Variants in DENND2A observed in about 807,000 individuals in gnomAD.
DENND2A encodes the protein DENN domain containing 2A.
Under a neutral mutation model 105.3 loss-of-function variants are expected in DENND2A, and 53 were observed. That is an observed-to-expected ratio of 0.50 (90% CI 0.40 to 0.63). DENND2A has a LOEUF of 0.63. Ranked by LOEUF, DENND2A falls within the 30% of genes least tolerant of loss-of-function variation. DENND2A has a pLI of 0.00. For synonymous variants in DENND2A, 522 were observed against 508.4 expected (o/e 1.03, Z -0.36); for missense variants, 1,138 against 1,279.6 (o/e 0.89, Z 1.69).
intron 3 of DENND2A, among the ~76,000 whole-genome samples, chr7:140,590,117 C>A (rs780490868): frequency 6.6e-6 from 1 of 152,128 alleles, no homozygotes; most frequent in Non-Finnish European, 1.5e-5. Context: ...AGGCCGGGCG[C>A]GGTGGCTCAT....
At chr7:140,583,273 C>T (rs191279218) in intron 5 of DENND2A, among the ~76,000 whole-genome samples, 441 of 151,478 alleles carry the variant, frequency 2.9e-3, no homozygotes, top group Non-Finnish European at 5.1e-3. Flanking sequence ...CGGGCCACTT[C>T]ACTCCAGCCT....
At position 140,601,465 on chromosome 7, in the gene DENND2A, G is replaced by A. The variant is rs1237689876; in HGVS notation, c.933C>T (p.Pro311=). 1 of 1,613,922 alleles carries A rather than the reference G, an allele frequency of 6.2e-7. No homozygotes were observed. The highest frequency in any genetic ancestry group is 1.1e-5 in the South Asian group (1 of 91,012). Residue 311 remains proline (P), a synonymous_variant, in exon 3 of 20, where the codon CCC becomes CCT. Transcript: ENST00000496613. ...GTCTTCTGTTCACAGAGGAAGGTGG[G>A]GGAGAGGAGGGCAGAGGCGGGGGAG... ...SLPPPPLPSS[P]PPSSVNRRLW...
chr7:140,545,299 A>G (rs1001300416), intron 13 of DENND2A, among the ~76,000 whole-genome samples: 1 of 152,112 alleles, frequency 6.6e-6, no homozygotes, highest in Non-Finnish European at 1.5e-5. Flanking sequence ...TAACCCTGAC[A>G]CCATCCCACT....
At position 140,542,579 on chromosome 7, in the gene DENND2A, T is replaced by C. The variant is rs1189034190; in HGVS notation, c.2327+2039A>G. Among the ~76,000 whole-genome samples the C allele has an allele frequency of 2.4e-3, 363 of 149,654 alleles. 3 individuals are homozygous for C. Among genetic ancestry groups the C allele is most frequent in the African/African-American group, 8.6e-3 (349 of 40,774 alleles). On this transcript the variant is annotated intron_variant, in intron 14 of 19. Coordinates refer to ENST00000496613, the MANE Select transcript of DENND2A (RefSeq NM_015689.5). ...TTTTTCTCTCTCTTTTTTTTTTTTT[T>C]TTTTTTTTGAGTTTCACTCTTGTTG...
chr7:140,558,374 C>G (rs1411058226), intron 10 of DENND2A, among the ~76,000 whole-genome samples, 162 bp from the exon 11 acceptor site: 2 of 152,212 alleles, frequency 1.3e-5, no homozygotes, highest in Non-Finnish European at 2.9e-5. Flanking sequence ...TGCTGAGACA[C>G]TGGTCACCCA....
intron 2 of DENND2A, among the ~76,000 whole-genome samples, chr7:140,603,062 A>G (rs1340302727): frequency 6.6e-6 from 1 of 152,094 alleles, no homozygotes; most frequent in East Asian, 1.9e-4. Context: ...AGGCGGGTGG[A>G]TCACGAGGTC....
intron 3 of DENND2A, among the ~76,000 whole-genome samples, chr7:140,592,650 A>G (rs1472802870): frequency 6.6e-6 from 1 of 150,726 alleles, no homozygotes; most frequent in Non-Finnish European, 1.5e-5. Context: ...CCCAGGCCGG[A>G]AGGCAGTGGG....
intron 13 of DENND2A, 73 bp downstream of exon 13, chr7:140,546,726 C>A: frequency 1.9e-6 from 3 of 1,570,854 alleles, no homozygotes; most frequent in East Asian, 2.3e-5. Flanking sequence ...GAAAGGCAGC[C>A]CCTCTGAGCA....
At chr7:140,567,360 A>C in intron 8 of DENND2A, 87 bp from the exon 9 acceptor site, 1 of 1,190,404 alleles carries the variant, frequency 8.4e-7, no homozygotes, top group Admixed American at 2.6e-5. Context: ...GTGAGCAAAG[A>C]GCCTGAAATG....
chr7:140,601,281 G>T, intron 3 of DENND2A, 122 bp downstream of exon 3: 2 of 1,319,832 alleles, frequency 1.5e-6, no homozygotes, highest in South Asian at 1.6e-5. Context: ...GAACCATCTG[G>T]ACTACAAGAT....
intron 14 of DENND2A, 124 bp downstream of exon 14, chr7:140,544,494 C>G: frequency 7.6e-7 from 1 of 1,312,450 alleles, no homozygotes; most frequent in Admixed American, 1.9e-5. Context: ...CGCGCCCAGC[C>G]TATTCCATCC....
At position 140,529,252 on chromosome 7, in the gene DENND2A, A is replaced by G. The variant is rs374836260; in HGVS notation, c.2328-1757T>C. Among the ~76,000 whole-genome samples, 63 of 152,362 alleles carry G rather than the reference A, an allele frequency of 4.1e-4. 1 individual carries two copies. The South Asian group carries it at 6.4e-3, about 16-fold the overall frequency. On this transcript the variant is annotated intron_variant, in intron 14 of 19. Transcript: ENST00000496613. Reference sequence around the variant, plus strand: ...GGTGAGTGGATCACCTGAGGTCAGCAGTTCGAGACCAGTCTGGCCAACATG... The same window carrying G: ...GGTGAGTGGATCACCTGAGGTCAGCGGTTCGAGACCAGTCTGGCCAACATG...
In DENND2A at chr7:140,523,862, T is replaced by C. The variant is rs1795949676; in HGVS notation, c.2548-438A>G. On this transcript the variant is annotated intron_variant, in intron 16 of 19. Coordinates refer to ENST00000496613, the MANE Select transcript of DENND2A (RefSeq NM_015689.5). The surrounding 1 kb of genome is among the most constrained non-coding windows in gnomAD (Gnocchi z 4.5). ...TGCTGGGATTACAGGCGTGAGCCAC[T>C]GCACCTGGCCGAGCCTACTTTTTAC... Among the ~76,000 whole-genome samples, 1 of 151,870 alleles carries C rather than the reference T, an allele frequency of 6.6e-6. No individual in the cohort carries two copies. The highest frequency in any genetic ancestry group is 1.5e-5 in the Non-Finnish European group (1 of 68,032).
intron 9 of DENND2A, among the ~76,000 whole-genome samples, chr7:140,562,688 C>CAAA (rs1554468997): frequency 0.027 from 4,016 of 150,184 alleles, 183 homozygotes; most frequent in African/African-American, 0.092. Flanking sequence ...ACAACAACAA[C>CAAA]AAAAAAACCC....
intron 4 of DENND2A, among the ~76,000 whole-genome samples, chr7:140,586,366 A>C (rs1335986632): frequency 5.7e-5 from 8 of 139,534 alleles, no homozygotes; most frequent in African/African-American, 2.1e-4. Flanking sequence ...TAAAAAAGAA[A>C]ACACACACAC....
At chr7:140,638,499 T>C (rs1054480754) in intron 1 of DENND2A, among the ~76,000 whole-genome samples, 1 of 152,132 alleles carries the variant, frequency 6.6e-6, no homozygotes, top group African/African-American at 2.4e-5. Context: ...CTTGGTCTCC[T>C]CCTCCTCCTC....
chr7:140,635,279 A>C (rs1392208548), intron 1 of DENND2A, among the ~76,000 whole-genome samples: 1 of 152,200 alleles, frequency 6.6e-6, no homozygotes, highest in Non-Finnish European at 1.5e-5. Flanking sequence ...AATAATAATA[A>C]AAATAAATAA....
At chr7:140,586,576 G>C (rs183060831) in intron 4 of DENND2A, among the ~76,000 whole-genome samples, 6 of 152,096 alleles carry the variant, frequency 3.9e-5, no homozygotes, top group African/African-American at 7.2e-5. Context: ...AAATAAAAAA[G>C]AAAGAAAGAA....
At chr7:140,519,524 A>G (rs1795776451) in intron 19 of DENND2A, 108 bp downstream of exon 19, 2 of 892,720 alleles carry the variant, frequency 2.2e-6, no homozygotes, top group Admixed American at 4.3e-5. Flanking sequence ...CAGGCCGTAG[A>G]GCTCTGCATT....
Sources: allele counts gnomAD v4.1 joint callset (sites outside exome capture counted in the v4.1 genomes callset), GRCh38; gene constraint gnomAD v4.1.1; non-coding constraint Gnocchi (gnomAD v3.1); transcripts MANE v1.5; gene names NCBI Gene and HGNC (gene_info 2026-07-23, HGNC 2026-07-21).